The following ARHGEF33 variants were observed in gnomAD, a reference collection of about 807,000 sequenced individuals.
The protein encoded by ARHGEF33 is DH and coiled-coil domain-containing protein ENSP00000381780.
A neutral mutation model predicts 101.9 loss-of-function variants in ARHGEF33; 72 were observed. That is an observed-to-expected ratio of 0.71 (90% CI 0.58 to 0.86). The LOEUF is 0.86. ARHGEF33 is among the 40% of genes least tolerant of loss of function. The pLI, the probability that ARHGEF33 is intolerant of heterozygous loss-of-function variation, is 0.00. For synonymous variants in ARHGEF33, 499 were observed against 442.5 expected (o/e 1.13, Z -1.60); for missense variants, 1,169 against 1,111.3 (o/e 1.05, Z -0.74).
Position 38,960,443 on chromosome 2 carries a change from C to A in ARHGEF33, c.2138C>A (p.Pro713Gln). Reference protein sequence around the residue: ...KPLSRSLKEFPRAPPADGVAP... With the variant: ...KPLSRSLKEFQRAPPADGVAP... ...CTGAGCCGCTCTCTCAAAGAGTTCC[C>A]GCGTGCGCCGCCAGCCGACGGCGTG... Residue 713 changes from proline (P) to glutamine (Q), a missense_variant, in exon 16 of 18, where the codon CCG (proline) becomes CAG (glutamine). Coordinates refer to ENST00000409978, the MANE Select transcript of ARHGEF33 (RefSeq NM_001145451.5). 1.3e-6 allele frequency: 2 copies of A among 1,496,908 alleles called. No homozygotes were observed. Among genetic ancestry groups the A allele is most frequent in the South Asian group, 1.3e-5 (1 of 79,308 alleles). 92.7% of individuals were successfully genotyped at this position (1,496,908 alleles called of 1,614,324 possible). A position where few individuals can be genotyped will look rare whatever the true frequency, so the allele number is the denominator to read the frequency against.
intron 16 of ARHGEF33, among the ~76,000 whole-genome samples, chr2:38,963,207 G>C (rs981473659): frequency 1.6e-4 from 25 of 152,114 alleles, no homozygotes; most frequent in Non-Finnish European, 3.5e-4. Context: ...TGGTGTTTTA[G>C]TTGCAAAAGA....
At chr2:38,965,016 C>T (rs1328564194) in intron 16 of ARHGEF33, among the ~76,000 whole-genome samples, 1 of 151,878 alleles carries the variant, frequency 6.6e-6, no homozygotes, top group African/African-American at 2.4e-5. Context: ...ATCTGCAACC[C>T]CCAGTTCTCA....
At chr2:38,936,594 C>T (rs1339125512) in intron 8 of ARHGEF33, among the ~76,000 whole-genome samples, 2 of 152,140 alleles carry the variant, frequency 1.3e-5, no homozygotes, top group Non-Finnish European at 2.9e-5. Flanking sequence ...AGAGGGAACC[C>T]CGTGCAGCTG....
At chr2:38,890,759 A>G (rs1366413199) in intron 1 of ARHGEF33, among the ~76,000 whole-genome samples, 3 of 152,208 alleles carry the variant, frequency 2.0e-5, no homozygotes, top group Non-Finnish European at 4.4e-5. Context: ...TGGAATAGCT[A>G]TTTCATTGAA....
intron 16 of ARHGEF33, among the ~76,000 whole-genome samples, chr2:38,965,669 AT>A (rs1467711915): frequency 6.6e-6 from 1 of 152,214 alleles, no homozygotes; most frequent in Admixed American, 6.5e-5. Context: ...ATAATAATTT[AT>A]TCACTCGTGG....
intron 16 of ARHGEF33, among the ~76,000 whole-genome samples, chr2:38,964,363 A>C (rs1668008494): frequency 6.6e-6 from 1 of 152,080 alleles, no homozygotes. Flanking sequence ...CACCAGATGC[A>C]GCTTAATTGT....
chr2:38,929,995 A>G (rs953627632), intron 6 of ARHGEF33, among the ~76,000 whole-genome samples, 165 bp downstream of exon 6: 2 of 152,240 alleles, frequency 1.3e-5, no homozygotes, highest in African/African-American at 2.4e-5. Context: ...GTTAATACCA[A>G]AGATGGATGG....
chr2:38,941,552 C>CTT (rs532096844), intron 9 of ARHGEF33, among the ~76,000 whole-genome samples: 7 of 144,308 alleles, frequency 4.9e-5, no homozygotes, highest in Admixed American at 1.4e-4. Context: ...TTTTCTTTTT[C>CTT]TTTTTTTTTT....
chr2:38,942,905 T>C (rs1667349695), intron 9 of ARHGEF33, among the ~76,000 whole-genome samples: 1 of 152,184 alleles, frequency 6.6e-6, no homozygotes, highest in South Asian at 2.1e-4. Context: ...GCTAATCAGA[T>C]GGCAAATTAA....
Position 38,973,850 on chromosome 2 carries a change from C to T in ARHGEF33, c.*7C>T. On this transcript the variant is annotated 3_prime_UTR_variant, in exon 18 of 18. Coordinates refer to ENST00000409978, the MANE Select transcript of ARHGEF33 (RefSeq NM_001145451.5). Reference sequence around the variant, plus strand: ...CCAAGGAACAGCTGTGTAAAACATACTTAAAGTTGTATTGTCAAGTGGTAA... The same window carrying T: ...CCAAGGAACAGCTGTGTAAAACATATTTAAAGTTGTATTGTCAAGTGGTAA... 1 of 1,540,932 alleles carries T rather than the reference C, an allele frequency of 6.5e-7. No homozygotes were observed. Among genetic ancestry groups the T allele is most frequent in the Admixed American group, 2.0e-5 (1 of 49,526 alleles).
chr2:38,935,724 A>C, intron 7 of ARHGEF33, 51 bp from the exon 8 acceptor site: 1 of 1,466,860 alleles, frequency 6.8e-7, no homozygotes, highest in Non-Finnish European at 9.3e-7. Context: ...GAAGGTGCTT[A>C]GTCCATGTTA....
In ARHGEF33 at chr2:38,920,510, C is replaced by T. The variant is rs531402096; in HGVS notation, c.26-864C>T. On this transcript the variant is annotated intron_variant, in intron 3 of 17. Transcript: ENST00000409978. The stretch of plus-strand genomic sequence containing the variant: ...GCAACCTCTGCCTCCCGGGTTCAAG[C>T]GATTCTCCTGCCTCAGCCTCCTGAC... Among the ~76,000 whole-genome samples, 15 of 144,760 alleles carry T rather than the reference C, an allele frequency of 1.0e-4. No individual in the cohort carries two copies. The East Asian group carries it at 1.7e-3, about 16-fold the overall frequency. The allele number at this position is 144,760 out of a possible 152,430, so 95.0% of individuals were successfully genotyped here.
chr2:38,954,082 T>C (rs1469295301), intron 12 of ARHGEF33, among the ~76,000 whole-genome samples: 1 of 152,194 alleles, frequency 6.6e-6, no homozygotes, highest in African/African-American at 2.4e-5. Flanking sequence ...ATATAGTTCA[T>C]TGAGTGCCCG....
chr2:38,933,078 G>A (rs1359275902), intron 7 of ARHGEF33, among the ~76,000 whole-genome samples: 1 of 152,186 alleles, frequency 6.6e-6, no homozygotes, highest in Non-Finnish European at 1.5e-5. Flanking sequence ...GCTTAAAATA[G>A]CAAACATTCA....
chr2:38,974,999 G>T lies in ARHGEF33; in HGVS notation c.*1156G>T, dbSNP rs993284397. 2 of 152,180 alleles carry T rather than the reference G, an allele frequency of 1.3e-5. No individual in the cohort carries two copies. Among genetic ancestry groups the T allele is most frequent in the East Asian group, 1.9e-4 (1 of 5,178 alleles). The allele number at this position is 152,180 out of a possible 1,614,324, so 9.4% of individuals were successfully genotyped here. Reference sequence around the variant, plus strand: ...CAGATTTATAATAGAAAAAAAATTGGGTTTAAACAATTTGTCTTTATTCCC... The same window carrying T: ...CAGATTTATAATAGAAAAAAAATTGTGTTTAAACAATTTGTCTTTATTCCC... On this transcript the variant is annotated 3_prime_UTR_variant, in exon 18 of 18. Transcript: ENST00000409978.
chr2:38,942,350 A>G (rs1338370665), intron 9 of ARHGEF33, among the ~76,000 whole-genome samples: 2 of 151,542 alleles, frequency 1.3e-5, no homozygotes, highest in Admixed American at 6.6e-5. Context: ...TATTTTTAGT[A>G]GAGATGGGGT....
chr2:38,893,145 C>A (rs1188059890), intron 1 of ARHGEF33, among the ~76,000 whole-genome samples: 1 of 145,706 alleles, frequency 6.9e-6, no homozygotes, highest in African/African-American at 2.5e-5. Flanking sequence ...GTGCTTTGTT[C>A]CTCTGGTAAT....
intron 9 of ARHGEF33, among the ~76,000 whole-genome samples, chr2:38,938,711 C>T (rs1299409263): frequency 6.6e-6 from 1 of 152,038 alleles, no homozygotes; most frequent in Non-Finnish European, 1.5e-5. Context: ...ATGAAAGAAC[C>T]TGAGAAAGTT....
At chr2:38,908,409 G>A (rs1393763887) in intron 2 of ARHGEF33, among the ~76,000 whole-genome samples, 5 of 152,240 alleles carry the variant, frequency 3.3e-5, no homozygotes, top group South Asian at 4.1e-4. Flanking sequence ...TGAAACTTTT[G>A]ATAAGTTTTT....
Sources: gnomAD v4.1 joint callset for allele counts (sites outside exome capture counted in the v4.1 genomes callset) on GRCh38, gnomAD v4.1.1 for gene constraint, MANE v1.5 for transcripts, NCBI Gene and HGNC (gene_info 2026-07-23, HGNC 2026-07-21) for gene names.